GGA1: variants seen among roughly 807,000 people sequenced by gnomAD.
The protein encoded by GGA1 is ADP-ribosylation factor-binding protein GGA1.
In GGA1, 18 loss-of-function variants were observed where a neutral mutation model predicts 76.9. The ratio of observed to expected loss-of-function variants is 0.23; its 90% confidence interval spans 0.16 to 0.35. The LOEUF is 0.35. GGA1 is among the 10% of genes least tolerant of loss of function. GGA1 has a pLI of 1.00. For synonymous variants in GGA1, 342 were observed against 354.7 expected (o/e 0.96, Z 0.40); for missense variants, 755 against 859.0 (o/e 0.88, Z 1.51).
Position 37,614,212 on chromosome 22 carries a change from C to T in GGA1, c.66C>T (p.Asn22=). 1 of 1,613,684 alleles carries T rather than the reference C, an allele frequency of 6.2e-7. No homozygotes were observed. The highest frequency in any genetic ancestry group is 8.5e-7 in the Non-Finnish European group (1 of 1,179,724). The change falls in exon 2 of 17, where the codon AAC becomes AAT. Residue 22 remains asparagine (N), a synonymous_variant. Coordinates refer to ENST00000343632, the MANE Select transcript of GGA1 (RefSeq NM_013365.5). ...ARINRATNPL[N]KELDWASING... ...CAGATAGAGCCACGAACCCCCTGAA[C>T]AAGGAGCTCGACTGGGCCAGCATCA...
chr22:37,618,231 T>C (rs1395853033), intron 3 of GGA1: 4 of 509,772 alleles, frequency 7.8e-6, no homozygotes, highest in African/African-American at 3.8e-5. Flanking sequence ...GGTTGGGCAT[T>C]GCTGGGCACT....
At chr22:37,630,606 A>C (rs1931628045) in intron 13 of GGA1, 1 of 477,066 alleles carries the variant, frequency 2.1e-6, no homozygotes, top group Non-Finnish European at 3.7e-6. Context: ...TCACCCTGTC[A>C]CCCAGGCTGG....
chr22:37,614,322 C>A, intron 2 of GGA1, 48 bp downstream of exon 2: 1 of 1,335,284 alleles, frequency 7.5e-7, no homozygotes, highest in Non-Finnish European at 1.1e-6. Context: ...CTCTCCAGAA[C>A]CCAGTCTCGG....
chr22:37,632,976 G>A lies in GGA1; in HGVS notation c.*265G>A. 2.0e-6 allele frequency: 1 copy of A among 495,796 alleles called. No individual in the cohort carries two copies. The highest frequency in any genetic ancestry group is 3.7e-6 in the Non-Finnish European group (1 of 272,902). The allele number at this position is 495,796 out of a possible 1,614,324, so 30.7% of individuals were successfully genotyped here. ...ACCGGGACCTGGAGAGGGAGGGGCT[G>A]TGTAGCCTTGGAAGAACTTGGGTCA... On this transcript the variant is annotated 3_prime_UTR_variant, in exon 17 of 17. Coordinates refer to ENST00000343632, the MANE Select transcript of GGA1 (RefSeq NM_013365.5). This position sits in a 1 kb window ranked among gnomAD's most constrained non-coding sequence, Gnocchi z 5.1.
In GGA1 at chr22:37,619,833, C is replaced by G. The variant is rs1568979475; in HGVS notation, c.304-405C>G. ...GCTGTGAGAGCCACTTTCCCCAGCC[C>G]AGTTTGCTGCTAGGAGACGGAGAGT... On this transcript the variant is annotated intron_variant, in intron 4 of 16. Coordinates refer to ENST00000343632, the MANE Select transcript of GGA1 (RefSeq NM_013365.5). 6.4e-6 allele frequency: 5 copies of G among 777,618 alleles called. No homozygotes were observed. The South Asian group carries it at 6.7e-5, about 10-fold the overall frequency. 48.2% of individuals were successfully genotyped at this position (777,618 alleles called of 1,614,324 possible).
In GGA1 at chr22:37,623,863, CCCGCAG is replaced by C; in HGVS notation, c.832+232_832+237del. The C allele has an allele frequency of 5.7e-6, 3 of 523,056 alleles. No individual in the cohort carries two copies. The highest frequency in any genetic ancestry group is 6.5e-5 in the Admixed American group (2 of 30,808). 32.4% of individuals were successfully genotyped at this position (523,056 alleles called of 1,614,324 possible). On this transcript the variant is annotated intron_variant, in intron 9 of 16. Transcript: ENST00000343632. The surrounding 1 kb of genome is among the most constrained non-coding windows in gnomAD (Gnocchi z 4.6). ...CCCTTAACAGGCATCTTATTTACTA[CCCGCAG>C]CTGCACAGGAGGCAGACCCATCCCC...
chr22:37,630,085 G>A lies in GGA1; in HGVS notation c.1246G>A (p.Ala416Thr). 2 of 1,610,780 alleles carry A rather than the reference G, an allele frequency of 1.2e-6. No homozygotes were observed. The highest frequency in any genetic ancestry group is 2.2e-5 in the South Asian group (2 of 90,990). ...ACCCCCAGCGCAGACATCCCTGCCA[G>A]CAAGCAGCGGTCTGGACGACCTAGA... Reference protein sequence around the residue: ...SRPPAQTSLPASSGLDDLDLL... With the variant: ...SRPPAQTSLPTSSGLDDLDLL... The change falls in exon 13 of 17, where the codon GCA becomes ACA. Residue 416 changes from alanine (A) to threonine (T), a missense_variant. Physicochemically the swap from Ala to Thr is moderately conservative, Grantham distance 58. Transcript: ENST00000343632.
At chr22:37,614,300 C>T (rs1569199537) in intron 2 of GGA1, 26 bp downstream of exon 2, 2 of 1,460,434 alleles carry the variant, frequency 1.4e-6, no homozygotes, top group Non-Finnish European at 1.9e-6. Context: ...CACTTGTTTG[C>T]ACTGCCCTGC....
rs200163567 is a variant in GGA1 at position 37,623,670 on chromosome 22, C to G, written c.832+37C>G. 6.6e-4 allele frequency: 904 copies of G among 1,378,110 alleles called. 11 individuals carry two copies. In the African/African-American group the frequency reaches 0.011, roughly 18 times the overall value. 85.4% of individuals were successfully genotyped at this position (1,378,110 alleles called of 1,614,324 possible). ...GCAGGTGCTGAGGTCAGGTCCCCCC[C>G]TCTCCCTCCACCTCCTGCCCCCACC... On this transcript the variant is annotated intron_variant, in intron 9 of 16. Transcript: ENST00000343632. This position sits in a 1 kb window ranked among gnomAD's most constrained non-coding sequence, Gnocchi z 4.6.
In GGA1 at chr22:37,620,378, G is replaced by A. The variant is rs1369660731; in HGVS notation, c.427+17G>A. ...AGAAGCAGGGTGAGGCACACAGAGG[G>A]TGGGGGGCGACCAGGGCCTGCCTTC... On this transcript the variant is annotated intron_variant, in intron 5 of 16. Transcript: ENST00000343632. 1.2e-6 allele frequency: 2 copies of A among 1,613,784 alleles called. No homozygotes were observed. Among genetic ancestry groups the A allele is most frequent in the Non-Finnish European group, 8.5e-7 (1 of 1,179,870 alleles).
At chr22:37,614,477 A>G (rs934991394) in intron 2 of GGA1, among the ~76,000 whole-genome samples, 1 of 152,144 alleles carries the variant, frequency 6.6e-6, no homozygotes, top group Non-Finnish European at 1.5e-5. Context: ...AGGTAAAGAA[A>G]TCAAGGCTCA....
intron 12 of GGA1, 88 bp from the exon 13 acceptor site, chr22:37,629,910 A>C: frequency 1.1e-6 from 1 of 920,672 alleles, no homozygotes; most frequent in Non-Finnish European, 1.6e-6. Flanking sequence ...TGTCATTTGC[A>C]AGGAGGACAC....
At chr22:37,616,160 T>C (rs1013462874) in intron 2 of GGA1, among the ~76,000 whole-genome samples, 2 of 152,116 alleles carry the variant, frequency 1.3e-5, no homozygotes, top group Admixed American at 1.3e-4. Context: ...ACATTCTTAG[T>C]GGGCTCCCCA....
chr22:37,628,282 A>G (rs575922052), intron 11 of GGA1, among the ~76,000 whole-genome samples: 3 of 152,122 alleles, frequency 2.0e-5, no homozygotes, highest in African/African-American at 2.4e-5. Flanking sequence ...TAGAGTCTCT[A>G]TGCTGCCAGG....
intron 2 of GGA1, among the ~76,000 whole-genome samples, chr22:37,616,499 T>C (rs1383120614): frequency 1.3e-5 from 2 of 152,172 alleles, no homozygotes; most frequent in East Asian, 1.9e-4. Context: ...CTGCTCTGAT[T>C]TGCCACAGCA....
intron 14 of GGA1, 55 bp downstream of exon 14, chr22:37,631,154 A>G (rs979129828): frequency 8.8e-6 from 12 of 1,370,316 alleles, no homozygotes; most frequent in Non-Finnish European, 1.1e-5. Flanking sequence ...CTGCCCTGTC[A>G]GGAGCTCTGT....
At chr22:37,609,629 G>A (rs886871174) in intron 1 of GGA1, among the ~76,000 whole-genome samples, 2 of 152,022 alleles carry the variant, frequency 1.3e-5, no homozygotes, top group Admixed American at 6.6e-5. Context: ...TTTCTCCTCA[G>A]ACGTAGCTTC....
Position 37,620,316 on chromosome 22 carries a change from G to C in GGA1, c.382G>C (p.Glu128Gln), listed in dbSNP as rs759319824. 7 of 1,613,964 alleles carry C rather than the reference G, an allele frequency of 4.3e-6. No homozygotes were observed. Among genetic ancestry groups the C allele is most frequent in the Non-Finnish European group, 5.9e-6 (7 of 1,179,934 alleles). ...CTACAGCTGGACAGTGGGCCTGCCC[G>C]AGGAGGTGAAAATCGCAGAGGCCTA... is the stretch of plus-strand genomic sequence containing the variant. ...LLYSWTVGLP[E>Q]EVKIAEAYQM... The change falls in exon 5 of 17, where the codon GAG (glutamate) becomes CAG (glutamine). Residue 128 changes from glutamate to glutamine, a missense_variant. Transcript: ENST00000343632.
intron 5 of GGA1, 45 bp downstream of exon 5, chr22:37,620,406 C>G (rs763821101): frequency 1.2e-6 from 2 of 1,608,654 alleles, no homozygotes; most frequent in Non-Finnish European, 1.7e-6. Context: ...CTGCCTTCCC[C>G]TCCCCCACCA....
Sources: gnomAD v4.1 joint callset for allele counts (sites outside exome capture counted in the v4.1 genomes callset) on GRCh38, gnomAD v4.1.1 for gene constraint, Gnocchi (gnomAD v3.1) non-coding constraint, MANE v1.5 for transcripts, NCBI Gene and HGNC (gene_info 2026-07-23, HGNC 2026-07-21) for gene names.